The following SLC12A7 variants were observed in gnomAD, a reference collection of about 807,000 sequenced individuals.
The protein encoded by SLC12A7 is solute carrier family 12 member 7.
A neutral mutation model predicts 120.6 loss-of-function variants in SLC12A7; 100 were observed. That is an observed-to-expected ratio of 0.83 (90% confidence interval 0.71 to 0.98). The LOEUF (loss-of-function observed/expected upper bound fraction) is 0.98. SLC12A7 is among the 50% of genes least tolerant of loss of function. The pLI is 0.00. For missense variants in SLC12A7, 1,373 were observed against 1,548.1 expected, an observed-to-expected ratio of 0.89 and a Z score of 1.90; for synonymous variants, 760 against 678.0, an observed-to-expected ratio of 1.12 and a Z score of -1.88.
chr5:1,053,246 G>T, intron 23 of SLC12A7, 103 bp downstream of exon 23: 5 of 1,396,692 alleles, frequency 3.6e-6, no homozygotes, highest in Non-Finnish European at 4.8e-6. Flanking sequence ...TGAAGGAGAG[G>T]CGGGAAGCCA....
chr5:1,132,436 C>T, the SLC12A7 span, among the ~76,000 whole-genome samples: 1 of 152,054 alleles, frequency 6.6e-6, no homozygotes, highest in Non-Finnish European at 1.5e-5. Flanking sequence ...CTTACTTTCA[C>T]TTTATACTCT....
At chr5:1,084,713 G>C (rs1739620301) in intron 7 of SLC12A7, among the ~76,000 whole-genome samples, 1 of 152,150 alleles carries the variant, frequency 6.6e-6, no homozygotes, top group Admixed American at 6.5e-5. Context: ...TCCACGCAGA[G>C]ACGGCAAAAC....
chr5:1,140,766 G>A, the SLC12A7 span, among the ~76,000 whole-genome samples: 2 of 152,260 alleles, frequency 1.3e-5, no homozygotes, highest in African/African-American at 2.4e-5. Context: ...GCAGGGAAGG[G>A]AGATTCACCC....
chr5:1,053,293 G>A (rs755357408), intron 23 of SLC12A7, 56 bp downstream of exon 23: 303 of 1,578,918 alleles, frequency 1.9e-4, no homozygotes, highest in Non-Finnish European at 2.5e-4. Flanking sequence ...AGGTCTTAGC[G>A]AGAAGCCACC....
At chr5:1,135,931 G>A in the SLC12A7 span, among the ~76,000 whole-genome samples, 9 of 152,188 alleles carry the variant, frequency 5.9e-5, no homozygotes, top group African/African-American at 1.7e-4. Context: ...TGCTCATCCT[G>A]TAAGTTTCCC....
chr5:1,064,721 A>AGACGGTGAAGG (rs1407968273), intron 18 of SLC12A7, among the ~76,000 whole-genome samples: 16 of 104,340 alleles, frequency 1.5e-4, no homozygotes, highest in African/African-American at 6.0e-4. Context: ...GACAGCGAGG[A>AGACGGTGAAGG]GACGGTGAAG....
intron 1 of SLC12A7, among the ~76,000 whole-genome samples, chr5:1,098,086 C>T (rs1398951775): frequency 6.7e-6 from 1 of 150,094 alleles, no homozygotes; most frequent in African/African-American, 2.5e-5. Flanking sequence ...ACCCAGCCGC[C>T]CCCTCCAACC....
rs1201425130 is a variant in SLC12A7 at position 1,089,101 on chromosome 5, C to T, written c.370G>A (p.Val124Ile). Residue 124 changes from valine (V) to isoleucine (I), a missense_variant, in exon 4 of 24, where the codon GTC (valine) becomes ATC (isoleucine). Physicochemically the swap from Val to Ile is conservative, Grantham distance 29. Coordinates refer to ENST00000264930, the MANE Select transcript of SLC12A7 (RefSeq NM_006598.3). ...KAPRMGTFIG[V>I]YLPCLQNILG... ...ATGTTCTGCAGGCACGGCAGGTAGA[C>T]GCCGATGAAGGTGCCCATGCGCGGA... 2.5e-6 allele frequency: 4 copies of T among 1,612,716 alleles called. No homozygotes were observed. Among genetic ancestry groups the T allele is most frequent in the Admixed American group, 1.7e-5 (1 of 60,002 alleles).
chr5:1,052,687 A>T (rs1735178316), intron 23 of SLC12A7, among the ~76,000 whole-genome samples: 1 of 152,078 alleles, frequency 6.6e-6, no homozygotes, highest in Non-Finnish European at 1.5e-5. Flanking sequence ...CACAGGGAGG[A>T]CGAGCAGAGA....
At chr5:1,112,786 T>C (rs1257231591), upstream of SLC12A7, among the ~76,000 whole-genome samples, 2 of 148,890 alleles carry the variant, frequency 1.3e-5, no homozygotes, top group Admixed American at 6.7e-5. Flanking sequence ...GCAACTCCAG[T>C]GGAAGGAGCC....
At chr5:1,145,215 G>A in the SLC12A7 span, among the ~76,000 whole-genome samples, 1 of 152,272 alleles carries the variant, frequency 6.6e-6, no homozygotes, top group Non-Finnish European at 1.5e-5. The surrounding 1 kb of genome is among the most constrained non-coding windows in gnomAD (Gnocchi z 4.4). Flanking sequence ...TGGCCACAAG[G>A]GCCAGGCAGG....
At chr5:1,147,345 G>C in the SLC12A7 span, among the ~76,000 whole-genome samples, 2 of 150,258 alleles carry the variant, frequency 1.3e-5, no homozygotes, top group South Asian at 4.3e-4. Flanking sequence ...CTCTGTGGCG[G>C]TAAGACCCCA....
chr5:1,076,860 A>G lies in SLC12A7; in HGVS notation c.1630-48T>C, dbSNP rs374039352. The G allele has an allele frequency of 1.4e-5, 18 of 1,302,818 alleles. No homozygotes were observed. In the African/African-American group the frequency reaches 2.2e-4, roughly 16 times the overall value. The allele number at this position is 1,302,818 out of a possible 1,614,324, so 80.7% of individuals were successfully genotyped here. ...ATGGGGCAGATGACACCACCCTTTTAGGAGAGAAGCTGCAGGCTGGTCAGG... is the reference window on the plus strand; with the variant it reads ...ATGGGGCAGATGACACCACCCTTTTGGGAGAGAAGCTGCAGGCTGGTCAGG... On this transcript the variant is annotated intron_variant, in intron 12 of 23. Transcript: ENST00000264930.
the SLC12A7 span, among the ~76,000 whole-genome samples, chr5:1,131,902 C>CACTGCCCCTGGTTCTGT: frequency 6.6e-6 from 1 of 152,212 alleles, no homozygotes; most frequent in African/African-American, 2.4e-5. Context: ...CGGCAAAGCT[C>CACTGCCCCTGGTTCTGT]ACTGCCCCTG....
chr5:1,069,029 C>G (rs58936983), intron 17 of SLC12A7, among the ~76,000 whole-genome samples: 1 of 152,170 alleles, frequency 6.6e-6, no homozygotes, highest in Non-Finnish European at 1.5e-5. Context: ...GGACCAGGAC[C>G]GTGAACATCC....
At position 1,053,427 on chromosome 5, in the gene SLC12A7, G is replaced by A; in HGVS notation, c.3082C>T (p.Leu1028Phe). 1 of 1,614,014 alleles carries A rather than the reference G, an allele frequency of 6.2e-7. No individual in the cohort carries two copies. Among genetic ancestry groups the A allele is most frequent in the South Asian group, 1.1e-5 (1 of 91,088 alleles). Residue 1028 changes from leucine (L) to phenylalanine (F), a missense_variant, in exon 23 of 24, where the codon CTC becomes TTC. Physicochemically the swap from Leu to Phe is conservative, Grantham distance 22. Transcript: ENST00000264930. ...AGCTGCGCATCCTGGGACTTGTTGA[G>A]GACGACGCCATTGAGCTTCACAGCC... ...HTAVKLNGVV[L>F]NKSQDAQLVL... is the part of the protein sequence containing the mutation.
At chr5:1,068,718 G>A (rs562961550) in intron 17 of SLC12A7, among the ~76,000 whole-genome samples, 3 of 152,396 alleles carry the variant, frequency 2.0e-5, no homozygotes, top group South Asian at 2.1e-4. Flanking sequence ...CCCCCCAGCC[G>A]AAGGGCTGTC....
Position 1,087,163 on chromosome 5 carries a change from A to G in SLC12A7, c.545-130T>C. On this transcript the variant is annotated intron_variant, in intron 5 of 23. Coordinates refer to ENST00000264930, the MANE Select transcript of SLC12A7 (RefSeq NM_006598.3). The stretch of plus-strand genomic sequence containing the variant: ...GAAGGCAGCGTGTAGACCCTCGTCC[A>G]CCCGCAAAGCAGCACATGGAGACGC... 3 of 1,242,062 alleles carry G rather than the reference A, an allele frequency of 2.4e-6. No individual in the cohort carries two copies. In the South Asian group the frequency reaches 4.8e-5, roughly 20 times the overall value. The allele number at this position is 1,242,062 out of a possible 1,614,324, so 76.9% of individuals were successfully genotyped here.
At chr5:1,106,517 C>T (rs189112714) in intron 1 of SLC12A7, among the ~76,000 whole-genome samples, 61 of 151,938 alleles carry the variant, frequency 4.0e-4, no homozygotes, top group African/African-American at 1.3e-3. Flanking sequence ...GAGAGCCCTC[C>T]GGGCAGCCAG....
Sources: gnomAD v4.1 joint callset for allele counts (sites outside exome capture counted in the v4.1 genomes callset) on GRCh38, gnomAD v4.1.1 for gene constraint, Gnocchi (gnomAD v3.1) non-coding constraint, MANE v1.5 for transcripts, NCBI Gene and HGNC (gene_info 2026-07-23, HGNC 2026-07-21) for gene names.